Variants in ST6GAL1 observed in about 807,000 individuals in gnomAD.
ST6GAL1 encodes ST6 beta-galactoside alpha-2,6-sialyltransferase 1, also known as beta-galactoside alpha-2,6-sialyltransferase 1.
ST6GAL1 carries 20 observed loss-of-function variants against 38.0 expected under a neutral mutation model. The ratio of observed to expected loss-of-function variants is 0.53; its 90% confidence interval spans 0.37 to 0.77. ST6GAL1 has a LOEUF of 0.77. Among genes scored for constraint, ST6GAL1 ranks in the 30% least tolerant of loss-of-function variants. ST6GAL1 has a pLI of 0.00. For missense variants in ST6GAL1, 432 were observed against 496.4 expected, an observed-to-expected ratio of 0.87 and a Z score of 1.23; for synonymous variants, 196 against 188.2, an observed-to-expected ratio of 1.04 and a Z score of -0.34.
intron 2 of ST6GAL1, among the ~76,000 whole-genome samples, chr3:186,997,105 T>A (rs2108550060): frequency 6.6e-6 from 1 of 151,830 alleles, no homozygotes; most frequent in East Asian, 1.9e-4. Context: ...ACATGGAAAA[T>A]AGTTAAGTAA....
chr3:186,949,401 T>C (rs1714500496), intron 1 of ST6GAL1, among the ~76,000 whole-genome samples: 1 of 151,958 alleles, frequency 6.6e-6, no homozygotes, highest in African/African-American at 2.4e-5. Context: ...GAGCTGGAGG[T>C]GGTGGCTGAC....
At chr3:187,025,107 T>C (rs1717487226) in intron 2 of ST6GAL1, among the ~76,000 whole-genome samples, 1 of 151,776 alleles carries the variant, frequency 6.6e-6, no homozygotes, top group Admixed American at 6.6e-5. Flanking sequence ...CCAGGGGTGG[T>C]ACGTAGGTAA....
At chr3:186,974,704 T>G (rs1318384836) in intron 2 of ST6GAL1, among the ~76,000 whole-genome samples, 1 of 143,288 alleles carries the variant, frequency 7.0e-6, no homozygotes, top group Non-Finnish European at 1.5e-5. Flanking sequence ...TTAATTCAAT[T>G]AGTATTTACT....
intron 1 of ST6GAL1, among the ~76,000 whole-genome samples, chr3:186,946,226 T>A (rs1050657647): frequency 6.7e-6 from 1 of 150,244 alleles, no homozygotes; most frequent in African/African-American, 2.5e-5. Flanking sequence ...GGCAGAAGAG[T>A]GGCTTGAACC....
intron 5 of ST6GAL1, among the ~76,000 whole-genome samples, chr3:187,069,135 C>CTTT (rs779256326): frequency 2.1e-5 from 3 of 144,954 alleles, no homozygotes; most frequent in Non-Finnish European, 1.5e-5. Flanking sequence ...TGAACTTCTT[C>CTTT]TTTTTTTTTT....
chr3:187,069,649 C>T (rs887118990), intron 5 of ST6GAL1, among the ~76,000 whole-genome samples: 12 of 152,142 alleles, frequency 7.9e-5, no homozygotes, highest in Non-Finnish European at 1.6e-4. Context: ...AGAACTCTAG[C>T]ATGTTTAGAT....
rs2268527 is a variant in ST6GAL1 at position 187,073,602 on chromosome 3, G to C, written c.805-557G>C. On this transcript the variant is annotated intron_variant, in intron 6 of 7. Coordinates refer to ENST00000169298, the MANE Select transcript of ST6GAL1 (RefSeq NM_173216.2). ...TGACCTCTCCCTGATGCAGGCTGCT[G>C]TGGCCTCAGGAGCATGGCCTGAGAA... 2,767 of 154,086 alleles carry C rather than the reference G, an allele frequency of 0.018. 182 individuals carry two copies. In the East Asian group the frequency reaches 0.23, roughly 13 times the overall value. The allele number at this position is 154,086 out of a possible 1,614,324, so 9.5% of individuals were successfully genotyped here. A position where few individuals can be genotyped will look rare whatever the true frequency, so the allele number is the denominator to read the frequency against.
intron 4 of ST6GAL1, among the ~76,000 whole-genome samples, chr3:187,051,046 A>G (rs1285327768): frequency 6.6e-6 from 1 of 152,160 alleles, no homozygotes; most frequent in African/African-American, 2.4e-5. Context: ...CAGCCCTTAC[A>G]GTGGCTGGCA....
At chr3:186,949,557 G>T (rs775873652) in intron 1 of ST6GAL1, among the ~76,000 whole-genome samples, 2 of 152,210 alleles carry the variant, frequency 1.3e-5, no homozygotes, top group Non-Finnish European at 2.9e-5. Context: ...AACCAAAGGC[G>T]TCTCACAGGG....
intron 1 of ST6GAL1, among the ~76,000 whole-genome samples, chr3:186,948,143 G>A (rs1050048837): frequency 9.2e-5 from 14 of 152,170 alleles, no homozygotes; most frequent in Admixed American, 1.3e-4. Context: ...GAGTTGCGTC[G>A]GGATGGCTGT....
intron 2 of ST6GAL1, among the ~76,000 whole-genome samples, chr3:187,034,913 A>G (rs1462372205): frequency 6.6e-6 from 1 of 152,162 alleles, no homozygotes; most frequent in Non-Finnish European, 1.5e-5. Flanking sequence ...AGAGCAATCA[A>G]ACAAGAAAAA....
intron 2 of ST6GAL1, among the ~76,000 whole-genome samples, chr3:186,973,248 C>T (rs1016211768): frequency 1.3e-5 from 2 of 152,114 alleles, no homozygotes; most frequent in African/African-American, 4.8e-5. Context: ...GTTAGTCAGG[C>T]TGGTCTTGAA....
At chr3:186,931,593 C>T (rs1280223447) in intron 1 of ST6GAL1, among the ~76,000 whole-genome samples, 2 of 152,142 alleles carry the variant, frequency 1.3e-5, no homozygotes, top group Non-Finnish European at 2.9e-5. Flanking sequence ...AAGGGTGCCC[C>T]TCAAAAAAAG....
chr3:186,991,088 AT>A (rs1159300874), intron 2 of ST6GAL1, among the ~76,000 whole-genome samples: 5 of 152,002 alleles, frequency 3.3e-5, no homozygotes, highest in Admixed American at 3.3e-4. Flanking sequence ...CCACTGAAGC[AT>A]TTCTTTTATG....
chr3:186,972,029 A>G (rs1044345608), intron 2 of ST6GAL1, among the ~76,000 whole-genome samples: 9 of 152,226 alleles, frequency 5.9e-5, no homozygotes, highest in Non-Finnish European at 1.3e-4. Flanking sequence ...ATGATATTGC[A>G]CTTCTTATGG....
intron 2 of ST6GAL1, among the ~76,000 whole-genome samples, chr3:186,993,094 C>T (rs1222185087): frequency 1.3e-5 from 2 of 152,136 alleles, no homozygotes; most frequent in African/African-American, 4.8e-5. Context: ...GCAACTCTGA[C>T]TTGAGTGTTT....
intron 1 of ST6GAL1, among the ~76,000 whole-genome samples, chr3:186,945,546 C>T (rs80081395): frequency 0.04 from 6,076 of 152,038 alleles, 399 homozygotes; most frequent in African/African-American, 0.14. Flanking sequence ...ACTCTTAATC[C>T]GTTCAAATAG....
intron 1 of ST6GAL1, among the ~76,000 whole-genome samples, chr3:186,941,572 C>G (rs962212454): frequency 6.6e-6 from 1 of 151,664 alleles, no homozygotes; most frequent in Non-Finnish European, 1.5e-5. Flanking sequence ...CTGCTGCAGA[C>G]GGGAGAAGCA....
chr3:187,020,433 G>C (rs1456655315), intron 2 of ST6GAL1, among the ~76,000 whole-genome samples: 4 of 152,260 alleles, frequency 2.6e-5, no homozygotes, highest in Non-Finnish European at 5.9e-5. Flanking sequence ...CACCCCACAG[G>C]GTGGTGGTAA....
Sources: allele counts gnomAD v4.1 joint callset (sites outside exome capture counted in the v4.1 genomes callset), GRCh38; gene constraint gnomAD v4.1.1; transcripts MANE v1.5; gene names NCBI Gene and HGNC (gene_info 2026-07-23, HGNC 2026-07-21).